Variants in CDC14B observed in about 807,000 individuals in gnomAD.
CDC14B encodes the protein cell division cycle 14B, also known as dual specificity protein phosphatase CDC14B.
CDC14B carries 22 observed loss-of-function variants against 64.2 expected under a neutral mutation model. That is an observed-to-expected ratio of 0.34 (90% CI 0.24 to 0.49). The LOEUF is 0.49. Among genes scored for constraint, CDC14B ranks in the 20% least tolerant of loss-of-function variants. The pLI, the probability that CDC14B is intolerant of heterozygous loss-of-function variation, is 0.99. For synonymous variants in CDC14B, 191 were observed against 215.8 expected (o/e 0.89, Z 1.01); for missense variants, 498 against 629.9 (o/e 0.79, Z 2.24).
rs113130417 is a variant in CDC14B, at chr9:96,545,597, C to T, written c.498-3705G>A. Among the ~76,000 whole-genome samples, 1,118 of 152,194 alleles carry T rather than the reference C, an allele frequency of 7.3e-3. 19 individuals are homozygous for T. The highest frequency in any genetic ancestry group is 0.025 in the African/African-American group (1,034 of 41,538). On this transcript the variant is annotated intron_variant, in intron 5 of 13. Transcript: ENST00000375241. ...CCTTCCAAAGTGCTGGGATTATAGG[C>T]GTGAGCCACTGCGCCTGGCTTGATT...
At chr9:96,579,510 C>T (rs1351213220) in intron 1 of CDC14B, among the ~76,000 whole-genome samples, 7 of 151,392 alleles carry the variant, frequency 4.6e-5, no homozygotes, top group Non-Finnish European at 7.4e-5. Flanking sequence ...GGCCTGAACC[C>T]GGGAGGCGGA....
At chr9:96,582,989 G>A (rs1845247591) in intron 1 of CDC14B, among the ~76,000 whole-genome samples, 1 of 152,166 alleles carries the variant, frequency 6.6e-6, no homozygotes, top group African/African-American at 2.4e-5. Flanking sequence ...TCTGGTGGCA[G>A]TTGCTCTAAT....
intron 1 of CDC14B, among the ~76,000 whole-genome samples, chr9:96,598,400 G>A (rs1186453675): frequency 6.6e-5 from 10 of 152,040 alleles, no homozygotes; most frequent in Admixed American, 5.2e-4. Flanking sequence ...GCAGTGGCAC[G>A]ATCTTGGCTC....
intron 9 of CDC14B, among the ~76,000 whole-genome samples, chr9:96,524,434 G>T (rs1195679175): frequency 1.3e-5 from 2 of 152,162 alleles, no homozygotes; most frequent in African/African-American, 2.4e-5. Context: ...CCAAAGGCTT[G>T]TAATTTTGCA....
intron 4 of CDC14B, among the ~76,000 whole-genome samples, chr9:96,560,352 T>G (rs757148176): frequency 5.8e-4 from 88 of 152,306 alleles, no homozygotes; most frequent in Non-Finnish European, 1.1e-3. Flanking sequence ...CGGTTGGAAC[T>G]TTTTTCTGTC....
rs1564366719 is a variant in CDC14B, at chr9:96,577,334, T to G, written c.161-11851A>C. Among the ~76,000 whole-genome samples the G allele has an allele frequency of 2.0e-5, 3 of 152,124 alleles. No individual in the cohort carries two copies. In the South Asian group the frequency reaches 6.2e-4, roughly 31 times the overall value. On this transcript the variant is annotated intron_variant, in intron 1 of 13. Coordinates refer to ENST00000375241, the MANE Select transcript of CDC14B (RefSeq NM_033331.4). ...TATGGAAACACTTAAAACCCATTTC[T>G]AAATAACTTGCAATAATGGGACATT... is the stretch of plus-strand genomic sequence containing the variant.
chr9:96,531,264 T>C (rs78377779), intron 9 of CDC14B, among the ~76,000 whole-genome samples: 1,740 of 152,304 alleles, frequency 0.011, 32 homozygotes, highest in African/African-American at 0.039. Flanking sequence ...GATGCTATCA[T>C]GTCCAGGGTT....
At chr9:96,601,110 G>A (rs1002294761) in intron 1 of CDC14B, among the ~76,000 whole-genome samples, 4 of 151,996 alleles carry the variant, frequency 2.6e-5, no homozygotes, top group African/African-American at 9.7e-5. Context: ...TGATGTGAAA[G>A]TATATGCGAC....
intron 4 of CDC14B, among the ~76,000 whole-genome samples, chr9:96,554,325 G>T (rs957404464): frequency 1.3e-5 from 2 of 152,060 alleles, no homozygotes; most frequent in Non-Finnish European, 1.5e-5. Flanking sequence ...AATTTCTAAG[G>T]CCTTCTCTCA....
At chr9:96,578,790 T>C (rs550920359) in intron 1 of CDC14B, among the ~76,000 whole-genome samples, 1 of 152,296 alleles carries the variant, frequency 6.6e-6, no homozygotes, top group South Asian at 2.1e-4. Flanking sequence ...AAGTCTGCAG[T>C]ATAATTAATA....
In CDC14B at chr9:96,612,835, C is replaced by T. The variant is rs147018052; in HGVS notation, c.160+6384G>A. 2.4e-4 allele frequency among the ~76,000 whole-genome samples: 36 copies of T among 152,310 alleles called. No homozygotes were observed. In the East Asian group the frequency reaches 6.9e-3, roughly 29 times the overall value. Reference sequence around the variant, plus strand: ...GCTTGGCAGAGTAGGTATTCATTTGCACATATTCATTATGCATTTGTTGAA... The same window carrying T: ...GCTTGGCAGAGTAGGTATTCATTTGTACATATTCATTATGCATTTGTTGAA... On this transcript the variant is annotated intron_variant, in intron 1 of 13. Coordinates refer to ENST00000375241, the MANE Select transcript of CDC14B (RefSeq NM_033331.4).
chr9:96,596,218 C>T (rs1157553826), intron 1 of CDC14B, among the ~76,000 whole-genome samples: 7 of 151,574 alleles, frequency 4.6e-5, no homozygotes, highest in South Asian at 4.2e-4. Flanking sequence ...AAAAATTAGC[C>T]GGGCATGGTG....
intron 12 of CDC14B, among the ~76,000 whole-genome samples, chr9:96,510,553 T>C (rs1174802619): frequency 6.6e-6 from 1 of 151,950 alleles, no homozygotes; most frequent in African/African-American, 2.4e-5. Flanking sequence ...TTCTTTCCTC[T>C]TTAAATTGTT....
At chr9:96,522,332 A>G (rs1275267804) in intron 12 of CDC14B, among the ~76,000 whole-genome samples, 174 bp downstream of exon 12, 1 of 152,186 alleles carries the variant, frequency 6.6e-6, no homozygotes, top group Non-Finnish European at 1.5e-5. Flanking sequence ...TAAACAAGGG[A>G]CAGCTGAGAG....
At chr9:96,584,897 C>T (rs1845371248) in intron 1 of CDC14B, among the ~76,000 whole-genome samples, 1 of 152,132 alleles carries the variant, frequency 6.6e-6, no homozygotes, top group Admixed American at 6.5e-5. Context: ...CTCAGGTGAT[C>T]CACCTGCCTC....
intron 1 of CDC14B, among the ~76,000 whole-genome samples, chr9:96,614,130 A>G (rs1847484215): frequency 6.6e-6 from 1 of 152,196 alleles, no homozygotes; most frequent in South Asian, 2.1e-4. Context: ...CATGGCAGAC[A>G]CTCGAAAACT....
intron 12 of CDC14B, among the ~76,000 whole-genome samples, chr9:96,519,663 AGAGGTTGCAGT>A (rs924144150): frequency 4.1e-4 from 62 of 150,184 alleles, no homozygotes; most frequent in African/African-American, 1.5e-3. Context: ...CCTGGGAGGC[AGAGGTTGCAGT>A]GAGCCGAGGG....
rs1833525641 is a variant in CDC14B at position 96,501,059 on chromosome 9, C to G, written c.*2694G>C. ...GCTCAGAACAGGGGAATTCTGGAGG[C>G]CGCAGAGCTGCGTGCTGCCGGGAAG... On this transcript the variant is annotated 3_prime_UTR_variant, in exon 14 of 14. Transcript: ENST00000375241. The G allele has an allele frequency of 6.6e-6, 1 of 152,354 alleles. No homozygotes were observed. The highest frequency in any genetic ancestry group is 1.5e-5 in the Non-Finnish European group (1 of 68,134). 9.4% of individuals were successfully genotyped at this position (152,354 alleles called of 1,614,324 possible). A position where few individuals can be genotyped will look rare whatever the true frequency, so the allele number is the denominator to read the frequency against.
intron 1 of CDC14B, among the ~76,000 whole-genome samples, chr9:96,609,259 C>G (rs1847160171): frequency 6.6e-6 from 1 of 152,136 alleles, no homozygotes; most frequent in East Asian, 1.9e-4. Context: ...GCCACTGCGC[C>G]CAGACCAAAT....
Sources: allele counts gnomAD v4.1 joint callset (sites outside exome capture counted in the v4.1 genomes callset), GRCh38; gene constraint gnomAD v4.1.1; transcripts MANE v1.5; gene names NCBI Gene and HGNC (gene_info 2026-07-23, HGNC 2026-07-21).